Variants in TNNI3K observed in about 807,000 individuals in gnomAD.
TNNI3K encodes the protein serine/threonine-protein kinase TNNI3K.
A neutral mutation model predicts 114.5 loss-of-function variants in TNNI3K; 140 were observed. That is an observed-to-expected ratio of 1.22 (90% CI 1.07 to 1.41). TNNI3K has a LOEUF of 1.41. Among genes scored for constraint, TNNI3K ranks in the 40% most tolerant of loss-of-function variants. The pLI is 0.00. For synonymous variants in TNNI3K, 347 were observed against 347.5 expected (o/e 1.00, Z 0.02); for missense variants, 1,125 against 1,007.6 (o/e 1.12, Z -1.58).
intron 5 of TNNI3K, among the ~76,000 whole-genome samples, chr1:74,275,891 G>A (rs999232329): frequency 4.6e-5 from 7 of 152,010 alleles, no homozygotes; most frequent in Non-Finnish European, 7.4e-5. Context: ...GTAGAACACA[G>A]AATTTCTCAC....
intron 17 of TNNI3K, among the ~76,000 whole-genome samples, chr1:74,387,272 A>G (rs189055574): frequency 2.4e-4 from 37 of 152,312 alleles, no homozygotes; most frequent in Admixed American, 2.4e-3. Context: ...AGAACAAAGA[A>G]TATACTCTGG....
At chr1:74,397,262 G>A (rs565146032) in intron 17 of TNNI3K, among the ~76,000 whole-genome samples, 1 of 152,180 alleles carries the variant, frequency 6.6e-6, no homozygotes, top group Admixed American at 6.5e-5. Context: ...AGAAATTAAA[G>A]AGATACACAG....
intron 22 of TNNI3K, among the ~76,000 whole-genome samples, chr1:74,490,184 T>C: frequency 6.6e-6 from 1 of 151,900 alleles, no homozygotes; most frequent in East Asian, 1.9e-4. Context: ...TAAAGAAAAC[T>C]TTTGTGTAAA....
rs982959382 is a variant in TNNI3K at position 74,255,294 on chromosome 1, C to T, written c.333+4525C>T. Among the ~76,000 whole-genome samples the T allele has an allele frequency of 3.4e-5, 5 of 145,014 alleles. No individual in the cohort carries two copies. In the South Asian group the frequency reaches 1.1e-3, roughly 31 times the overall value. The stretch of plus-strand genomic sequence containing the variant: ...GCGTGAACCCGGGAGGCGGAGCTTG[C>T]AGTGAGCCGAGATCCCGCCACTGCA... On this transcript the variant is annotated intron_variant, in intron 4 of 24. Coordinates refer to ENST00000326637, the MANE Select transcript of TNNI3K (RefSeq NM_015978.3).
At chr1:74,468,528 C>T (rs1667773114) in intron 21 of TNNI3K, 1 of 151,414 alleles carries the variant, frequency 6.6e-6, no homozygotes, top group Admixed American at 6.6e-5. Flanking sequence ...TGAATATTGG[C>T]GAGAAAAGAT....
chr1:74,252,076 G>A (rs1196627203), intron 4 of TNNI3K, among the ~76,000 whole-genome samples: 1 of 152,192 alleles, frequency 6.6e-6, no homozygotes, highest in Non-Finnish European at 1.5e-5. Flanking sequence ...TCATGGCACT[G>A]TATGAAACCA....
intron 17 of TNNI3K, chr1:74,401,774 T>G: frequency 6.9e-6 from 3 of 433,560 alleles, no homozygotes; most frequent in Non-Finnish European, 9.2e-6. Context: ...AACCATAAAA[T>G]TGCTATGTAA....
chr1:74,491,064 C>A (rs767562823), intron 22 of TNNI3K, among the ~76,000 whole-genome samples: 1 of 151,954 alleles, frequency 6.6e-6, no homozygotes, highest in South Asian at 2.1e-4. Context: ...TGTCTGTGAG[C>A]CTTTTAAAGG....
chr1:74,426,359 G>A (rs558036100), intron 17 of TNNI3K, among the ~76,000 whole-genome samples: 16 of 152,184 alleles, frequency 1.1e-4, no homozygotes, highest in African/African-American at 3.1e-4. Context: ...GCCTCTGCTC[G>A]TCAGAGATAG....
intron 4 of TNNI3K, among the ~76,000 whole-genome samples, chr1:74,269,981 A>G (rs1359118160): frequency 6.6e-6 from 1 of 151,862 alleles, no homozygotes; most frequent in Non-Finnish European, 1.5e-5. Flanking sequence ...TTTTGAGAAG[A>G]AAGAGATGAT....
At chr1:74,464,790 T>C (rs1249326939) in intron 21 of TNNI3K, 1 of 1,527,396 alleles carries the variant, frequency 6.5e-7, no homozygotes, top group Non-Finnish European at 8.8e-7. Flanking sequence ...TTTATTTGTT[T>C]AGAATCTTCC....
At chr1:74,359,146 C>T (rs1201986033) in intron 11 of TNNI3K, among the ~76,000 whole-genome samples, 1 of 151,940 alleles carries the variant, frequency 6.6e-6, no homozygotes, top group Non-Finnish European at 1.5e-5. Flanking sequence ...GCCAAAACTC[C>T]ATCCTTATTA....
chr1:74,389,989 A>C lies in TNNI3K; in HGVS notation c.1772+19597A>C, dbSNP rs183782768. On this transcript the variant is annotated intron_variant, in intron 17 of 24. Coordinates refer to ENST00000326637, the MANE Select transcript of TNNI3K (RefSeq NM_015978.3). ...TCAAAAGTATCAGTTACCTTAAAAA[A>C]TCTAGGACACTGGGAGAAGATAATG... Among the ~76,000 whole-genome samples the C allele has an allele frequency of 5.9e-4, 90 of 152,320 alleles. No individual in the cohort carries two copies. The East Asian group carries it at 0.017, about 28-fold the overall frequency.
chr1:74,462,552 A>C (rs1021754719), intron 20 of TNNI3K, among the ~76,000 whole-genome samples: 3 of 152,226 alleles, frequency 2.0e-5, no homozygotes, highest in Non-Finnish European at 2.9e-5. Context: ...AATGTTTATA[A>C]ATTAAAAACT....
At chr1:74,437,270 T>C (rs1044069033) in intron 19 of TNNI3K, among the ~76,000 whole-genome samples, 1 of 152,096 alleles carries the variant, frequency 6.6e-6, no homozygotes, top group African/African-American at 2.4e-5. Context: ...GTCACTTCTT[T>C]TCTGGACTAG....
chr1:74,250,145 A>G (rs1285083778), intron 3 of TNNI3K, among the ~76,000 whole-genome samples: 1 of 152,184 alleles, frequency 6.6e-6, no homozygotes, highest in Non-Finnish European at 1.5e-5. Flanking sequence ...ACTTCTTAAA[A>G]TGGAACAGAA....
intron 23 of TNNI3K, 107 bp from the exon 24 acceptor site, chr1:74,540,127 A>T (rs573751590): frequency 5.1e-5 from 60 of 1,182,702 alleles, no homozygotes; most frequent in Non-Finnish European, 7.1e-5. Flanking sequence ...GCTTTGTATC[A>T]CTTTGCCATT....
At chr1:74,300,325 C>T (rs1570437702) in intron 5 of TNNI3K, among the ~76,000 whole-genome samples, 1 of 152,276 alleles carries the variant, frequency 6.6e-6, no homozygotes, top group East Asian at 1.9e-4. Context: ...ATATATTTTA[C>T]AGTCTATTTA....
chr1:74,341,779 T>G (rs114628735), intron 7 of TNNI3K: 188 of 152,246 alleles, frequency 1.2e-3, no homozygotes, highest in African/African-American at 4.4e-3. Context: ...TAGGCACACA[T>G]AAACTGTTGT....
Sources: allele counts gnomAD v4.1 joint callset (sites outside exome capture counted in the v4.1 genomes callset), GRCh38; gene constraint gnomAD v4.1.1; transcripts MANE v1.5; gene names NCBI Gene and HGNC (gene_info 2026-07-23, HGNC 2026-07-21).